FLVCR2: variants seen among roughly 807,000 people sequenced by gnomAD.
FLVCR2 encodes FLVCR choline and putative heme transporter 2.
Under a neutral mutation model 48.9 loss-of-function variants are expected in FLVCR2, and 38 were observed. The observed-to-expected ratio is 0.78, with a 90% CI of 0.60 to 1.02. The LOEUF is 1.02. Ranked by LOEUF, FLVCR2 falls within the 50% of genes least tolerant of loss-of-function variation. The pLI is 0.00. For missense variants in FLVCR2, 664 were observed against 663.3 expected (o/e 1.00, Z -0.01); for synonymous variants, 255 against 257.0 (o/e 0.99, Z 0.07).
At chr14:75,644,759 G>A (rs949563585) in intron 9 of FLVCR2, among the ~76,000 whole-genome samples, 1 of 152,162 alleles carries the variant, frequency 6.6e-6, no homozygotes, top group Non-Finnish European at 1.5e-5. Context: ...TCAGAGACCT[G>A]TGGACAAATT....
At chr14:75,618,522 C>A (rs1889672622) in intron 1 of FLVCR2, among the ~76,000 whole-genome samples, 1 of 152,200 alleles carries the variant, frequency 6.6e-6, no homozygotes, top group Non-Finnish European at 1.5e-5. Context: ...AAAACTAGAA[C>A]AAGTGCAGGG....
chr14:75,601,217 T>C (rs1033868286), intron 1 of FLVCR2, among the ~76,000 whole-genome samples: 1 of 152,262 alleles, frequency 6.6e-6, no homozygotes. Flanking sequence ...AAGACACAGA[T>C]TGCTCATGCT....
chr14:75,584,742 G>C (rs182987982), intron 1 of FLVCR2, among the ~76,000 whole-genome samples: 1 of 152,276 alleles, frequency 6.6e-6, no homozygotes, highest in East Asian at 1.9e-4. Context: ...ACTCTTTCCC[G>C]TTCATCTGGG....
chr14:75,633,722 G>A, intron 4 of FLVCR2, 26 bp downstream of exon 4: 1 of 1,567,792 alleles, frequency 6.4e-7, no homozygotes, highest in Non-Finnish European at 8.8e-7. Context: ...AAGCATGTTG[G>A]GCCTCAAGAT....
intron 3 of FLVCR2, among the ~76,000 whole-genome samples, chr14:75,627,124 GCTACT>G (rs1889917591): frequency 6.6e-6 from 1 of 151,944 alleles, no homozygotes; most frequent in Non-Finnish European, 1.5e-5. Flanking sequence ...GGGGAGCAAA[GCTACT>G]CCTCCTCCTT....
At position 75,612,643 on chromosome 14, in the gene FLVCR2, G is replaced by A. The variant is rs150408316; in HGVS notation, c.670-9436G>A. On this transcript the variant is annotated intron_variant, in intron 1 of 9. Transcript: ENST00000238667. ...CTTTGCCTGGACATTATCGGTTACC[G>A]TGGAGCCGCCTGGCATTCCTGGGTG... Among the ~76,000 whole-genome samples, 473 of 152,280 alleles carry A rather than the reference G, an allele frequency of 3.1e-3. 1 individual carries two copies. The highest frequency in any genetic ancestry group is 4.4e-3 in the Non-Finnish European group (298 of 68,034).
intron 1 of FLVCR2, among the ~76,000 whole-genome samples, chr14:75,609,898 G>C (rs77462967): frequency 0.014 from 2,054 of 148,268 alleles, 45 homozygotes; most frequent in African/African-American, 0.047. Context: ...TTTGAGTTGG[G>C]GGGGATAGAT....
chr14:75,644,510 G>A (rs1890373266), intron 9 of FLVCR2, among the ~76,000 whole-genome samples: 1 of 152,200 alleles, frequency 6.6e-6, no homozygotes, highest in African/African-American at 2.4e-5. Context: ...AGTGTGGGGT[G>A]CTGGAAATAG....
intron 1 of FLVCR2, among the ~76,000 whole-genome samples, chr14:75,606,301 A>G (rs1021984569): frequency 2.0e-5 from 3 of 152,164 alleles, no homozygotes; most frequent in African/African-American, 7.2e-5. Flanking sequence ...TGCTGGGATT[A>G]CAGATGTGAG....
At chr14:75,590,764 C>T in intron 1 of FLVCR2, among the ~76,000 whole-genome samples, 1 of 152,328 alleles carries the variant, frequency 6.6e-6, no homozygotes, top group South Asian at 2.1e-4. Context: ...TTGTAAGTTT[C>T]CTGAGGCCTC....
chr14:75,579,702 G>C lies in FLVCR2; in HGVS notation c.669+61G>C, dbSNP rs747497038. The C allele has an allele frequency of 8.4e-5, 131 of 1,562,744 alleles. No homozygotes were observed. In the Middle Eastern group the frequency reaches 2.2e-3, roughly 26 times the overall value. ...TGTGTTAGATTGCACCTAACTATTG[G>C]GTGTGGTAGGCTATAATTTGCTGAT... On this transcript the variant is annotated intron_variant, in intron 1 of 9. Coordinates refer to ENST00000238667, the MANE Select transcript of FLVCR2 (RefSeq NM_017791.3).
chr14:75,578,687 G>A lies in FLVCR2; in HGVS notation c.-286G>A. On this transcript the variant is annotated 5_prime_UTR_variant, in exon 1 of 10. Coordinates refer to ENST00000238667, the MANE Select transcript of FLVCR2 (RefSeq NM_017791.3). Reference sequence around the variant, plus strand: ...TTCCTGCACAAGGAACGCCTCGTGGGGAGACCCAAGGCAGGAGCGGTCCGG... The same window carrying A: ...TTCCTGCACAAGGAACGCCTCGTGGAGAGACCCAAGGCAGGAGCGGTCCGG... 1.9e-6 allele frequency: 1 copy of A among 539,460 alleles called. No homozygotes were observed. Among genetic ancestry groups the A allele is most frequent in the Non-Finnish European group, 3.3e-6 (1 of 300,682 alleles). The allele number at this position is 539,460 out of a possible 1,614,324, so 33.4% of individuals were successfully genotyped here.
intron 1 of FLVCR2, among the ~76,000 whole-genome samples, chr14:75,587,429 ACTTGT>A (rs1050247430): frequency 6.6e-6 from 1 of 152,108 alleles, no homozygotes; most frequent in Non-Finnish European, 1.5e-5. Flanking sequence ...AGGGCCTAAC[ACTTGT>A]CTTCTTTTTT....
chr14:75,595,729 C>T, intron 1 of FLVCR2: 1 of 619,472 alleles, frequency 1.6e-6, no homozygotes, highest in Non-Finnish European at 2.9e-6. Context: ...TTTGTGTTTT[C>T]ACATGAAAGT....
At chr14:75,583,313 T>C (rs1036428642) in intron 1 of FLVCR2, among the ~76,000 whole-genome samples, 1 of 152,008 alleles carries the variant, frequency 6.6e-6, no homozygotes, top group African/African-American at 2.4e-5. Flanking sequence ...TTTGGACAGG[T>C]GAAATGGCGG....
intron 5 of FLVCR2, among the ~76,000 whole-genome samples, chr14:75,635,500 G>T (rs569471299): frequency 6.6e-6 from 1 of 152,306 alleles, no homozygotes; most frequent in African/African-American, 2.4e-5. Context: ...TTTATACCTT[G>T]TTGGTAAATA....
chr14:75,596,836 A>G (rs975046458), intron 1 of FLVCR2, among the ~76,000 whole-genome samples: 2 of 120,724 alleles, frequency 1.7e-5, no homozygotes, highest in Non-Finnish European at 3.2e-5. Flanking sequence ...TTCTGTCCCT[A>G]TGAATTTGCC....
chr14:75,579,736 A>C (rs1888548190), intron 1 of FLVCR2, 95 bp downstream of exon 1: 1 of 1,366,120 alleles, frequency 7.3e-7, no homozygotes, highest in African/African-American at 1.4e-5. Flanking sequence ...ATTGTCCAAC[A>C]GTGTTTGTGA....
intron 1 of FLVCR2, among the ~76,000 whole-genome samples, chr14:75,593,392 G>A (rs1244173620): frequency 6.6e-6 from 1 of 152,182 alleles, no homozygotes; most frequent in Non-Finnish European, 1.5e-5. Flanking sequence ...CCTGCAGGGG[G>A]TTGTAGCTCT....
Sources: gnomAD v4.1 joint callset for allele counts (sites outside exome capture counted in the v4.1 genomes callset) on GRCh38, gnomAD v4.1.1 for gene constraint, MANE v1.5 for transcripts, NCBI Gene and HGNC (gene_info 2026-07-23, HGNC 2026-07-21) for gene names.